Variants in L3MBTL4 observed in about 807,000 individuals in gnomAD.
L3MBTL4 encodes lethal(3)malignant brain tumor-like protein 4.
In L3MBTL4, 70 loss-of-function variants were observed where a neutral mutation model predicts 84.5. The ratio of observed to expected loss-of-function variants is 0.83; its 90% CI spans 0.68 to 1.01. L3MBTL4 has a LOEUF of 1.01. Among genes scored for constraint, L3MBTL4 ranks in the 50% least tolerant of loss-of-function variants. The probability of loss-of-function intolerance (pLI) is 0.00; values close to 1 mark genes in which losing one functional copy is unlikely to be tolerated. For synonymous variants in L3MBTL4, 274 were observed against 259.8 expected (o/e 1.05, Z -0.52); for missense variants, 715 against 754.8 (o/e 0.95, Z 0.62).
intron 1 of L3MBTL4, among the ~76,000 whole-genome samples, chr18:6,337,260 A>C (rs1233342340): frequency 1.3e-5 from 2 of 152,158 alleles, no homozygotes; most frequent in African/African-American, 4.8e-5. Flanking sequence ...ACTGAGAAAA[A>C]CACCAAACAA....
At chr18:6,290,059 C>G (rs1291946560) in intron 4 of L3MBTL4, among the ~76,000 whole-genome samples, 2 of 152,008 alleles carry the variant, frequency 1.3e-5, no homozygotes, top group Non-Finnish European at 2.9e-5. Flanking sequence ...TGGCTGGGAC[C>G]ACAGACACGT....
intron 16 of L3MBTL4, among the ~76,000 whole-genome samples, chr18:6,077,898 G>A (rs557905208): frequency 1.2e-4 from 18 of 151,970 alleles, no homozygotes; most frequent in South Asian, 4.2e-4. Flanking sequence ...GCATGGTGGC[G>A]TGCACCTGTA....
chr18:6,248,811 T>C (rs2047799176), intron 5 of L3MBTL4, among the ~76,000 whole-genome samples: 1 of 152,210 alleles, frequency 6.6e-6, no homozygotes, highest in Non-Finnish European at 1.5e-5. Context: ...CCTCTGTGTA[T>C]AGGTACCCCA....
intron 16 of L3MBTL4, among the ~76,000 whole-genome samples, chr18:6,018,238 C>A (rs1337704386): frequency 1.3e-5 from 2 of 152,130 alleles, no homozygotes; most frequent in Non-Finnish European, 2.9e-5. Flanking sequence ...CTGCCCACCC[C>A]AAGGACAGTG....
chr18:6,005,713 C>A (rs1230466111), intron 16 of L3MBTL4, among the ~76,000 whole-genome samples: 1 of 151,946 alleles, frequency 6.6e-6, no homozygotes, highest in African/African-American at 2.4e-5. Context: ...GTATATGTAC[C>A]ACATCGTCTT....
intron 13 of L3MBTL4, among the ~76,000 whole-genome samples, chr18:6,170,731 G>C (rs918275144): frequency 6.6e-6 from 1 of 152,020 alleles, no homozygotes; most frequent in South Asian, 2.1e-4. Context: ...GATGTACAGG[G>C]GTGTATTGGG....
At chr18:6,234,329 A>G (rs1599266765) in intron 10 of L3MBTL4, among the ~76,000 whole-genome samples, 1 of 152,350 alleles carries the variant, frequency 6.6e-6, no homozygotes, top group South Asian at 2.1e-4. Flanking sequence ...ATTTAATTAA[A>G]CTAAAGAGCT....
intron 1 of L3MBTL4, chr18:6,395,048 ATAT>A (rs1248812522): frequency 6.6e-6 from 1 of 152,130 alleles, no homozygotes; most frequent in East Asian, 1.9e-4. Context: ...ACTTCATAAA[ATAT>A]TATGAGGCTG....
chr18:6,362,114 GAAGAA>G (rs1166296244), intron 1 of L3MBTL4, among the ~76,000 whole-genome samples: 17 of 116,218 alleles, frequency 1.5e-4, no homozygotes, highest in Non-Finnish European at 2.9e-4. Flanking sequence ...ATCAAAAAAA[GAAGAA>G]AAGAAAAGAG....
At chr18:6,189,994 A>C (rs2044992206) in intron 12 of L3MBTL4, among the ~76,000 whole-genome samples, 1 of 152,194 alleles carries the variant, frequency 6.6e-6, no homozygotes, top group African/African-American at 2.4e-5. Context: ...ATTTTCCAAA[A>C]TGTGTAATGA....
At chr18:6,171,976 G>T in intron 12 of L3MBTL4, 34 bp from the exon 13 acceptor site, 1 of 1,040,710 alleles carries the variant, frequency 9.6e-7, no homozygotes, top group Non-Finnish European at 1.4e-6. Context: ...TTAGCATTTA[G>T]TAATTAGGAT....
At chr18:5,970,393 C>G (rs1438664297) in intron 16 of L3MBTL4, among the ~76,000 whole-genome samples, 3 of 152,104 alleles carry the variant, frequency 2.0e-5, no homozygotes, top group African/African-American at 7.2e-5. Context: ...TTATCAACAG[C>G]CTTCTGTGCT....
chr18:6,205,202 T>G lies in L3MBTL4; in HGVS notation c.981+7947A>C, dbSNP rs75276645. Among the ~76,000 whole-genome samples, 191 of 152,236 alleles carry G rather than the reference T, an allele frequency of 1.3e-3. 1 individual carries two copies. The highest frequency in any genetic ancestry group is 4.3e-3 in the African/African-American group (180 of 41,552). On this transcript the variant is annotated intron_variant, in intron 12 of 18. Transcript: ENST00000317931. Reference sequence around the variant, plus strand: ...AATAGGAGTGTCAGAGGCAGAGGTTTGAAGGTGCTACGCTGCTGGCTTTGA... The same window carrying G: ...AATAGGAGTGTCAGAGGCAGAGGTTGGAAGGTGCTACGCTGCTGGCTTTGA...
intron 16 of L3MBTL4, among the ~76,000 whole-genome samples, chr18:6,061,297 A>C (rs1011162805): frequency 1.3e-5 from 2 of 152,008 alleles, no homozygotes; most frequent in African/African-American, 4.8e-5. Context: ...GTGTCTGCTG[A>C]TATGTCTGTT....
rs1056765159 is a variant in L3MBTL4 at position 6,340,706 on chromosome 18, C to T, written c.-90-28650G>A. The stretch of plus-strand genomic sequence containing the variant: ...CCCTCAAAATGACTCTCCTGTGGGC[C>T]CTTGCACCCAGTTGACCCACACCAC... On this transcript the variant is annotated intron_variant, in intron 1 of 18. Coordinates refer to ENST00000317931, the MANE Select transcript of L3MBTL4 (RefSeq NM_001330559.2). 5.3e-5 allele frequency among the ~76,000 whole-genome samples: 8 copies of T among 151,982 alleles called. No individual in the cohort carries two copies. The South Asian group carries it at 1.5e-3, about 28-fold the overall frequency.
At chr18:6,407,802 C>T (rs2055795388) in intron 1 of L3MBTL4, among the ~76,000 whole-genome samples, 1 of 152,128 alleles carries the variant, frequency 6.6e-6, no homozygotes, top group African/African-American at 2.4e-5. Context: ...GGCAACAAGC[C>T]CTTACTCCAC....
Position 6,175,853 on chromosome 18 carries a change from A to G in L3MBTL4, c.982-3911T>C, listed in dbSNP as rs190899933. ...GGCAAGAGAAAGAAATATTAATAAA[A>G]GGCATGAAACTTGCAAAATAAGTCA... is the stretch of plus-strand genomic sequence containing the variant. On this transcript the variant is annotated intron_variant, in intron 12 of 18. Transcript: ENST00000317931. Among the ~76,000 whole-genome samples the G allele has an allele frequency of 1.8e-4, 27 of 152,318 alleles. No individual in the cohort carries two copies. The East Asian group carries it at 3.5e-3, about 20-fold the overall frequency.
At chr18:6,330,076 G>C (rs1007509894) in intron 1 of L3MBTL4, among the ~76,000 whole-genome samples, 1 of 152,146 alleles carries the variant, frequency 6.6e-6, no homozygotes, top group Non-Finnish European at 1.5e-5. Flanking sequence ...ATGAGTATTT[G>C]AGTAATTTCT....
At chr18:6,180,755 T>C (rs897508356) in intron 12 of L3MBTL4, among the ~76,000 whole-genome samples, 1 of 152,030 alleles carries the variant, frequency 6.6e-6, no homozygotes, top group Non-Finnish European at 1.5e-5. Flanking sequence ...TCAGTGGGAG[T>C]CAAGAATGAA....
Sources: gnomAD v4.1 joint callset for allele counts (sites outside exome capture counted in the v4.1 genomes callset) on GRCh38, gnomAD v4.1.1 for gene constraint, MANE v1.5 for transcripts, NCBI Gene and HGNC (gene_info 2026-07-23, HGNC 2026-07-21) for gene names.